METTL15: variants seen among roughly 807,000 people sequenced by gnomAD.
The protein encoded by METTL15 is 12S rRNA N(4)-cytidine methyltransferase METTL15.
A neutral mutation model predicts 38.3 loss-of-function variants in METTL15; 34 were observed. That is an observed-to-expected ratio of 0.89 (90% CI 0.68 to 1.18). METTL15 has a LOEUF of 1.18. METTL15 is among the 50% of genes most tolerant of loss of function. The pLI is 0.00. For missense variants in METTL15, 438 were observed against 498.4 expected (o/e 0.88, Z 1.15); for synonymous variants, 162 against 170.9 (o/e 0.95, Z 0.41).
intron 6 of METTL15, among the ~76,000 whole-genome samples, chr11:28,320,109 G>T (rs1385873317): frequency 6.6e-6 from 1 of 151,580 alleles, no homozygotes; most frequent in Non-Finnish European, 1.5e-5. Flanking sequence ...TACATTGTGG[G>T]TAATAAATTT....
At chr11:28,441,413 A>G (rs549468080) in intron 6 of METTL15, among the ~76,000 whole-genome samples, 9 of 152,286 alleles carry the variant, frequency 5.9e-5, no homozygotes, top group African/African-American at 2.2e-4. Flanking sequence ...TATTCTTCCC[A>G]AAGTAATTAT....
chr11:28,464,942 C>T (rs962375918), intron 6 of METTL15, among the ~76,000 whole-genome samples: 2 of 152,152 alleles, frequency 1.3e-5, no homozygotes, highest in Admixed American at 1.3e-4. Flanking sequence ...AAGAGATGCC[C>T]CTTCATCTTC....
chr11:28,273,627 AT>A (rs1202893930), intron 4 of METTL15, among the ~76,000 whole-genome samples: 4 of 152,206 alleles, frequency 2.6e-5, no homozygotes, highest in Non-Finnish European at 5.9e-5. Context: ...CCTAAAATTA[AT>A]AATAATTGAA....
intron 4 of METTL15, among the ~76,000 whole-genome samples, chr11:28,220,380 C>G (rs187038172): frequency 6.6e-6 from 1 of 152,130 alleles, no homozygotes; most frequent in African/African-American, 2.4e-5. Context: ...ACTTGGATTG[C>G]AACTCCTGCC....
At chr11:28,390,347 T>A (rs1850489880) in intron 5 of METTL15, among the ~76,000 whole-genome samples, 1 of 151,328 alleles carries the variant, frequency 6.6e-6, no homozygotes, top group Non-Finnish European at 1.5e-5. Context: ...TCTTCTAGGG[T>A]TTTTATGGTT....
chr11:28,187,017 A>G (rs1000999922), intron 3 of METTL15, among the ~76,000 whole-genome samples: 1 of 151,272 alleles, frequency 6.6e-6, no homozygotes. Flanking sequence ...TATAAAAGCA[A>G]TGTTTTTCTT....
intron 5 of METTL15, among the ~76,000 whole-genome samples, chr11:28,391,196 C>G (rs1364971606): frequency 1.3e-5 from 2 of 152,040 alleles, no homozygotes; most frequent in Non-Finnish European, 2.9e-5. Context: ...TTGACTTCCT[C>G]TTTTCCTAAT....
At chr11:28,179,204 G>A (rs1383249910) in intron 3 of METTL15, among the ~76,000 whole-genome samples, 1 of 151,700 alleles carries the variant, frequency 6.6e-6, no homozygotes, top group Admixed American at 6.6e-5. Context: ...TGATCAATGT[G>A]GGTTGAAGTC....
At chr11:28,160,340 G>C (rs1249763257) in intron 3 of METTL15, among the ~76,000 whole-genome samples, 1 of 151,782 alleles carries the variant, frequency 6.6e-6, no homozygotes, top group Non-Finnish European at 1.5e-5. Flanking sequence ...CAAGCCTATT[G>C]TTGGGAAGTG....
chr11:28,276,568 G>A (rs904186959), intron 4 of METTL15, among the ~76,000 whole-genome samples: 5 of 152,028 alleles, frequency 3.3e-5, no homozygotes, highest in African/African-American at 1.2e-4. Context: ...ATGTCATTCT[G>A]CACAAATTAG....
intron 4 of METTL15, among the ~76,000 whole-genome samples, chr11:28,239,731 G>A (rs1328854784): frequency 6.6e-6 from 1 of 152,040 alleles, no homozygotes; most frequent in Non-Finnish European, 1.5e-5. Context: ...GATGTTCTGT[G>A]GCACATTCCT....
At chr11:28,396,083 G>A (rs1162404360) in intron 5 of METTL15, among the ~76,000 whole-genome samples, 2 of 152,136 alleles carry the variant, frequency 1.3e-5, no homozygotes, top group African/African-American at 2.4e-5. Context: ...ATTAGGTATT[G>A]ATGGGACGTA....
chr11:28,287,295 A>G (rs984895345), intron 4 of METTL15: 3 of 216,728 alleles, frequency 1.4e-5, no homozygotes, highest in South Asian at 1.1e-4. Context: ...TTCGTGGTCC[A>G]TGAGGCCGGC....
At chr11:28,521,820 C>T (rs895557250) in intron 6 of METTL15, among the ~76,000 whole-genome samples, 16 of 152,126 alleles carry the variant, frequency 1.1e-4, no homozygotes, top group African/African-American at 3.6e-4. Flanking sequence ...TGCTGTCTCT[C>T]TAGGTTTCCC....
At chr11:28,525,752 C>T (rs913653832) in intron 6 of METTL15, among the ~76,000 whole-genome samples, 11 of 152,254 alleles carry the variant, frequency 7.2e-5, no homozygotes, top group Admixed American at 1.3e-4. Context: ...GATCCCGCAC[C>T]GGGGCCGCAG....
intron 3 of METTL15, among the ~76,000 whole-genome samples, chr11:28,343,493 A>T (rs1849971045): frequency 6.6e-6 from 1 of 152,202 alleles, no homozygotes; most frequent in Non-Finnish European, 1.5e-5. Flanking sequence ...TCACAAACGA[A>T]CTGTGGTGAA....
chr11:28,438,369 G>A (rs1017280672), intron 6 of METTL15, among the ~76,000 whole-genome samples: 41 of 152,208 alleles, frequency 2.7e-4, no homozygotes, highest in African/African-American at 9.2e-4. Context: ...AGGCAGAAAC[G>A]GCGAGTGCCT....
chr11:28,143,807 T>C (rs983143877), intron 3 of METTL15, among the ~76,000 whole-genome samples: 4 of 152,200 alleles, frequency 2.6e-5, no homozygotes, highest in African/African-American at 4.8e-5. Flanking sequence ...TCTTGATCGT[T>C]GAGTAGTTCC....
chr11:28,161,962 A>G (rs1037948424), intron 3 of METTL15, among the ~76,000 whole-genome samples: 2 of 152,204 alleles, frequency 1.3e-5, no homozygotes, highest in Non-Finnish European at 2.9e-5. Context: ...AAATAGGATA[A>G]TAGTAATCAT....
Sources: gnomAD v4.1 joint callset for allele counts (sites outside exome capture counted in the v4.1 genomes callset) on GRCh38, gnomAD v4.1.1 for gene constraint, MANE v1.5 for transcripts, NCBI Gene and HGNC (gene_info 2026-07-23, HGNC 2026-07-21) for gene names.